Variants in LRRC7 observed in about 807,000 individuals in gnomAD.
The protein encoded by LRRC7 is leucine rich repeat containing 7.
LRRC7 carries 23 observed loss-of-function variants against 175.7 expected under a neutral mutation model. The ratio of observed to expected loss-of-function variants is 0.13; its 90% CI spans 0.09 to 0.19. The LOEUF (loss-of-function observed/expected upper bound fraction) is 0.19, where lower values mean the gene tolerates loss of function less well. LRRC7 is among the 10% of genes least tolerant of loss of function. The probability of loss-of-function intolerance (pLI) is 1.00; values close to 1 mark genes in which losing one functional copy is unlikely to be tolerated. For synonymous variants in LRRC7, 685 were observed against 680.9 expected (o/e 1.01, Z -0.09); for missense variants, 1,354 against 1,904.7 (o/e 0.71, Z 5.38).
At chr1:69,930,560 A>G (rs547908098) in intron 7 of LRRC7, among the ~76,000 whole-genome samples, 1 of 152,328 alleles carries the variant, frequency 6.6e-6, no homozygotes, top group African/African-American at 2.4e-5. Flanking sequence ...GCTTTGAGAA[A>G]TGCTGACTGC....
rs543127964 is a variant in LRRC7 at position 70,081,255 on chromosome 1, G to A, written c.4452+4957G>A. 2.8e-4 allele frequency among the ~76,000 whole-genome samples: 42 copies of A among 152,258 alleles called. No individual in the cohort carries two copies. The South Asian group carries it at 8.7e-3, about 32-fold the overall frequency. On this transcript the variant is annotated intron_variant, in intron 24 of 26. Transcript: ENST00000651989. ...CACTATTTAAAAGCATACATAAGTTGCCCATAAGCTGTTGGATATTTTTAA... is the reference window on the plus strand; with the variant it reads ...CACTATTTAAAAGCATACATAAGTTACCCATAAGCTGTTGGATATTTTTAA...
chr1:70,058,408 A>C (rs1442902428), intron 23 of LRRC7, among the ~76,000 whole-genome samples: 1 of 152,212 alleles, frequency 6.6e-6, no homozygotes, highest in African/African-American at 2.4e-5. Context: ...CCAAAATTCC[A>C]GGCAGTATTA....
intron 7 of LRRC7, among the ~76,000 whole-genome samples, chr1:69,899,662 G>T (rs1646078134): frequency 6.6e-6 from 1 of 152,186 alleles, no homozygotes; most frequent in African/African-American, 2.4e-5. Context: ...TATGGTTTCA[G>T]TGTGGCCCCT....
chr1:70,061,764 A>G (rs577353995), intron 23 of LRRC7, among the ~76,000 whole-genome samples: 23 of 152,268 alleles, frequency 1.5e-4, no homozygotes, highest in Middle Eastern at 3.4e-3. Context: ...GACTTTGAAA[A>G]TTACCTCTAG....
chr1:70,038,696 A>G lies in LRRC7; in HGVS notation c.2872A>G (p.Lys958Glu), dbSNP rs1401813984. Residue 958 changes from lysine to glutamate, a missense_variant, in exon 21 of 27, where the codon AAA becomes GAA. This residue lies in a region of LRRC7 where 1,032 missense variants were observed against 1,227.2 expected (regional missense o/e 0.84). Transcript: ENST00000651989. ...SQIHCRPESS[K>E]GVISISKSTE... Reference sequence around the variant, plus strand: ...AATCCACTGCCGCCCGGAATCTTCTAAAGGTGTTATTTCAATTAGCAAAAG... The same window carrying G: ...AATCCACTGCCGCCCGGAATCTTCTGAAGGTGTTATTTCAATTAGCAAAAG... 6.2e-7 allele frequency: 1 copy of G among 1,614,032 alleles called. No homozygotes were observed. Among genetic ancestry groups the G allele is most frequent in the Non-Finnish European group, 8.5e-7 (1 of 1,180,014 alleles).
chr1:69,921,232 G>A (rs1646879043), intron 7 of LRRC7, among the ~76,000 whole-genome samples: 1 of 152,068 alleles, frequency 6.6e-6, no homozygotes, highest in African/African-American at 2.4e-5. Flanking sequence ...ATGGAATGTG[G>A]GTTTAAAAGG....
At chr1:69,700,878 G>A (rs1663259812) in intron 2 of LRRC7, among the ~76,000 whole-genome samples, 1 of 152,172 alleles carries the variant, frequency 6.6e-6, no homozygotes, top group African/African-American at 2.4e-5. Flanking sequence ...ATGTTGTGCT[G>A]TATATCAAGG....
chr1:70,055,982 A>G (rs929859657), intron 23 of LRRC7, among the ~76,000 whole-genome samples: 6 of 152,226 alleles, frequency 3.9e-5, no homozygotes, highest in Non-Finnish European at 8.8e-5. Context: ...AATGTGGTCA[A>G]GTGAGTGATG....
intron 22 of LRRC7, among the ~76,000 whole-genome samples, chr1:70,050,888 A>G (rs533961991): frequency 4.6e-4 from 70 of 152,200 alleles, no homozygotes; most frequent in African/African-American, 1.6e-3. Flanking sequence ...TCATGCAAGA[A>G]AAACAAAAAG....
At chr1:69,583,273 T>A (rs1162908395) in intron 1 of LRRC7, among the ~76,000 whole-genome samples, 1 of 152,030 alleles carries the variant, frequency 6.6e-6, no homozygotes, top group Non-Finnish European at 1.5e-5. Flanking sequence ...TATTATTTAT[T>A]AAATTAACTA....
intron 4 of LRRC7, among the ~76,000 whole-genome samples, chr1:69,793,630 CTCT>C (rs920071142): frequency 2.0e-5 from 3 of 150,596 alleles, no homozygotes; most frequent in African/African-American, 7.3e-5. Context: ...GCACATTTTA[CTCT>C]TTTTTTTTTC....
chr1:70,108,766 A>G (rs779549344), intron 26 of LRRC7, among the ~76,000 whole-genome samples: 16 of 152,220 alleles, frequency 1.1e-4, no homozygotes, highest in African/African-American at 2.7e-4. Flanking sequence ...TAGATCAGCT[A>G]TACAAACACA....
chr1:69,597,708 A>T (rs1470875954), intron 1 of LRRC7, among the ~76,000 whole-genome samples: 1 of 152,192 alleles, frequency 6.6e-6, no homozygotes, highest in African/African-American at 2.4e-5. Flanking sequence ...TTCAGAATGG[A>T]TGTAGATACA....
At chr1:69,865,202 A>G (rs1684776966) in intron 7 of LRRC7, among the ~76,000 whole-genome samples, 1 of 152,120 alleles carries the variant, frequency 6.6e-6, no homozygotes, top group Non-Finnish European at 1.5e-5. Context: ...GTGCTTATAT[A>G]TCAGCGATGG....
chr1:69,585,749 C>T (rs530315893), intron 1 of LRRC7, among the ~76,000 whole-genome samples: 18 of 152,252 alleles, frequency 1.2e-4, no homozygotes, highest in African/African-American at 4.3e-4. Context: ...TGTGATAAAA[C>T]ACTTGCATCC....
At chr1:69,760,503 A>T in intron 3 of LRRC7, 110 bp downstream of exon 3, 1 of 878,388 alleles carries the variant, frequency 1.1e-6, no homozygotes, top group African/African-American at 1.7e-5. Context: ...GTAACTGACA[A>T]GTCATTGAAA....
At chr1:69,958,688 T>C (rs997710661) in intron 8 of LRRC7, among the ~76,000 whole-genome samples, 27 of 151,894 alleles carry the variant, frequency 1.8e-4, no homozygotes, top group African/African-American at 6.5e-4. Context: ...GAGCCAGAGG[T>C]AGTTAATGGG....
chr1:69,584,693 A>G (rs114192007), intron 1 of LRRC7, among the ~76,000 whole-genome samples: 1,653 of 152,258 alleles, frequency 0.011, 31 homozygotes, highest in African/African-American at 0.036. Flanking sequence ...CAGTTAAAAC[A>G]ATTTATTGCT....
At chr1:69,898,881 T>G (rs1253279609) in intron 7 of LRRC7, among the ~76,000 whole-genome samples, 1 of 152,214 alleles carries the variant, frequency 6.6e-6, no homozygotes, top group African/African-American at 2.4e-5. Flanking sequence ...CCAAATATAC[T>G]TAGTTAACAA....
Sources: allele counts gnomAD v4.1 joint callset (sites outside exome capture counted in the v4.1 genomes callset), GRCh38; gene constraint gnomAD v4.1.1; regional missense constraint gnomAD v4.1.1; transcripts MANE v1.5; gene names NCBI Gene and HGNC (gene_info 2026-07-23, HGNC 2026-07-21).